CUBN: variants seen among roughly 807,000 people sequenced by gnomAD.
CUBN encodes the protein 460 kDa receptor.
CUBN carries 282 observed loss-of-function variants against 405.3 expected under a neutral mutation model. That is an observed-to-expected ratio of 0.70 (90% CI 0.63 to 0.77). The LOEUF (loss-of-function observed/expected upper bound fraction) is 0.77, where lower values mean the gene tolerates loss of function less well. Ranked by LOEUF, CUBN falls within the 30% of genes least tolerant of loss-of-function variation. The pLI, the probability that CUBN is intolerant of heterozygous loss-of-function variation, is 0.00. For synonymous variants in CUBN, 1,684 were observed against 1,617.0 expected (o/e 1.04, Z -0.99); for missense variants, 4,514 against 4,475.2 (o/e 1.01, Z -0.25).
intron 22 of CUBN, among the ~76,000 whole-genome samples, chr10:17,064,967 A>T (rs1013153387): frequency 6.6e-6 from 1 of 152,092 alleles, no homozygotes; most frequent in African/African-American, 2.4e-5. Flanking sequence ...ATACATTGTT[A>T]TTCTGTTTCT....
Position 16,870,105 on chromosome 10 carries a change from G to A in CUBN, c.9237-252C>T, listed in dbSNP as rs45575131. Among the ~76,000 whole-genome samples, 6,557 of 152,208 alleles carry A rather than the reference G, an allele frequency of 0.043. 217 individuals are homozygous for A. The highest frequency in any genetic ancestry group is 0.067 in the Non-Finnish European group (4,543 of 68,008). ...GGGATGTCAAAGTGAGTAAGATACAGTCTTACTTTTCAAGGAATTCACAGT... is the reference window on the plus strand; with the variant it reads ...GGGATGTCAAAGTGAGTAAGATACAATCTTACTTTTCAAGGAATTCACAGT... On this transcript the variant is annotated intron_variant, in intron 58 of 66. Coordinates refer to ENST00000377833, the MANE Select transcript of CUBN (RefSeq NM_001081.4).
chr10:17,060,637 GACGA>G (rs1172719132), intron 22 of CUBN, among the ~76,000 whole-genome samples: 4 of 152,324 alleles, frequency 2.6e-5, no homozygotes, highest in African/African-American at 9.6e-5. Context: ...ATCTTTAAAA[GACGA>G]ATCGACTTAC....
Position 16,918,554 on chromosome 10 carries a change from T to C in CUBN, c.7000+68A>G, listed in dbSNP as rs1365383620. The C allele has an allele frequency of 3.8e-5, 46 of 1,222,254 alleles. No homozygotes were observed. The Middle Eastern group carries it at 8.0e-4, about 21-fold the overall frequency. 75.7% of individuals were successfully genotyped at this position (1,222,254 alleles called of 1,614,324 possible). On this transcript the variant is annotated intron_variant, in intron 45 of 66. Coordinates refer to ENST00000377833, the MANE Select transcript of CUBN (RefSeq NM_001081.4). ...TCTACAACAAACCCCCAAACACGAATTTACCTATATAACAAATCTGCACAT... is the reference window on the plus strand; with the variant it reads ...TCTACAACAAACCCCCAAACACGAACTTACCTATATAACAAATCTGCACAT...
At chr10:16,990,795 T>TA (rs1202561911) in intron 28 of CUBN, among the ~76,000 whole-genome samples, 2 of 151,914 alleles carry the variant, frequency 1.3e-5, no homozygotes, top group African/African-American at 2.4e-5. Flanking sequence ...CTTCGTACTT[T>TA]AAAAAAAAGT....
chr10:16,900,178 T>C (rs563844866), intron 53 of CUBN, among the ~76,000 whole-genome samples: 1 of 152,214 alleles, frequency 6.6e-6, no homozygotes, highest in Non-Finnish European at 1.5e-5. Context: ...CTCTTTATGT[T>C]GTGGACTTAT....
chr10:16,938,416 T>G (rs914699526), intron 38 of CUBN, among the ~76,000 whole-genome samples: 1 of 152,150 alleles, frequency 6.6e-6, no homozygotes, highest in Non-Finnish European at 1.5e-5. Context: ...TATAAAATAC[T>G]CTACCAAACA....
intron 14 of CUBN, among the ~76,000 whole-genome samples, chr10:17,089,460 GA>G (rs1836203552): frequency 6.6e-6 from 1 of 152,184 alleles, no homozygotes; most frequent in Non-Finnish European, 1.5e-5. Context: ...AGAGTGCACT[GA>G]AAAAAGTTCA....
At chr10:16,952,722 C>A (rs753296734) in intron 32 of CUBN, among the ~76,000 whole-genome samples, 8 of 152,204 alleles carry the variant, frequency 5.3e-5, no homozygotes, top group Admixed American at 1.3e-4. Flanking sequence ...TAGGGATAAT[C>A]TGCTTATAAA....
Position 16,869,793 on chromosome 10 carries a change from G to A in CUBN, c.9297C>T (p.Tyr3099=), listed in dbSNP as rs754292924. The change falls in exon 59 of 67, where the codon TAC becomes TAT. Residue 3099 remains tyrosine, a synonymous_variant. Coordinates refer to ENST00000377833, the MANE Select transcript of CUBN (RefSeq NM_001081.4). ...TSCSHDYLAI[Y]DGANTSDPLL... ...GGGGATCGCTGGTATTGGCACCATC[G>A]TAAATTGCCAGGTAGTCATGGGAGC... The A allele has an allele frequency of 1.4e-5, 22 of 1,613,940 alleles. No individual in the cohort carries two copies. The highest frequency in any genetic ancestry group is 2.2e-5 in the East Asian group (1 of 44,884).
At chr10:16,837,602 C>G (rs1839211476) in intron 62 of CUBN, among the ~76,000 whole-genome samples, 1 of 152,170 alleles carries the variant, frequency 6.6e-6, no homozygotes, top group Middle Eastern at 3.4e-3. Flanking sequence ...ACCTTAGGGC[C>G]TTCTATCTCT....
At chr10:16,840,862 TA>T in intron 61 of CUBN, 22 bp downstream of exon 61, 1 of 1,588,560 alleles carries the variant, frequency 6.3e-7, no homozygotes, top group Non-Finnish European at 8.6e-7. Flanking sequence ...TCATAACATA[TA>T]AAAATGCTTC....
intron 59 of CUBN, among the ~76,000 whole-genome samples, chr10:16,856,291 A>G (rs1355212582): frequency 1.3e-5 from 2 of 151,748 alleles, no homozygotes; most frequent in Non-Finnish European, 2.9e-5. Context: ...TGTGTCAGTC[A>G]CTCTCTGATG....
At chr10:17,103,833 T>G (rs1169021673) in intron 12 of CUBN, among the ~76,000 whole-genome samples, 9 of 152,126 alleles carry the variant, frequency 5.9e-5, no homozygotes, top group Admixed American at 3.9e-4. Context: ...GTGAGGAGGT[T>G]TATCGGGAGA....
chr10:17,081,627 A>T (rs1268811820), intron 17 of CUBN, among the ~76,000 whole-genome samples: 2 of 152,210 alleles, frequency 1.3e-5, no homozygotes, highest in Non-Finnish European at 2.9e-5. Flanking sequence ...CACTATCTGA[A>T]GAACAACAAG....
intron 5 of CUBN, 182 bp downstream of exon 5, chr10:17,123,406 G>A: frequency 4.7e-6 from 3 of 642,850 alleles, no homozygotes; most frequent in Non-Finnish European, 8.5e-6. Flanking sequence ...TTAGTATTTG[G>A]TGGGTTATAC....
At chr10:16,918,921 T>A in intron 44 of CUBN, 121 bp from the exon 45 acceptor site, 2 of 960,426 alleles carry the variant, frequency 2.1e-6, no homozygotes, top group Non-Finnish European at 3.2e-6. Context: ...TAAAAAACTA[T>A]GATAGAATCA....
intron 14 of CUBN, among the ~76,000 whole-genome samples, chr10:17,094,925 T>C (rs1836339709): frequency 6.6e-6 from 1 of 151,902 alleles, no homozygotes; most frequent in East Asian, 1.9e-4. Context: ...TAAAGCAATC[T>C]TGAGCAAAAA....
intron 19 of CUBN, among the ~76,000 whole-genome samples, chr10:17,070,432 T>C (rs1392514569): frequency 6.6e-6 from 1 of 152,198 alleles, no homozygotes; most frequent in Non-Finnish European, 1.5e-5. Flanking sequence ...GGGGATTGAA[T>C]TGAATCTTTA....
chr10:16,837,083 A>T (rs1379099221), intron 62 of CUBN, among the ~76,000 whole-genome samples: 1 of 151,504 alleles, frequency 6.6e-6, no homozygotes, highest in Middle Eastern at 3.2e-3. Context: ...AACTCCTGTA[A>T]CTGCTCGGGG....
Sources: gnomAD v4.1 joint callset for allele counts (sites outside exome capture counted in the v4.1 genomes callset) on GRCh38, gnomAD v4.1.1 for gene constraint, MANE v1.5 for transcripts, NCBI Gene and HGNC (gene_info 2026-07-23, HGNC 2026-07-21) for gene names.